The following DENND1A variants were observed in gnomAD, a reference collection of about 807,000 sequenced individuals.
The protein encoded by DENND1A is DENN domain-containing protein 1A.
Under a neutral mutation model 113.7 loss-of-function variants are expected in DENND1A, and 51 were observed. That is an observed-to-expected ratio of 0.45 (90% CI 0.36 to 0.57). The LOEUF is 0.57. DENND1A is among the 20% of genes least tolerant of loss of function. DENND1A has a pLI of 0.00. For missense variants in DENND1A, 1,258 were observed against 1,395.9 expected, an observed-to-expected ratio of 0.90 and a Z score of 1.57; for synonymous variants, 565 against 570.8, an observed-to-expected ratio of 0.99 and a Z score of 0.14.
chr9:123,929,924 T>G lies in DENND1A; in HGVS notation c.-19A>C, dbSNP rs1353612536. On this transcript the variant is annotated 5_prime_UTR_variant, in exon 1 of 24. An upstream start codon of the reference 5' UTR is lost. Coordinates refer to ENST00000394215, the MANE Select transcript of DENND1A (RefSeq NM_001352964.2). ...AGCCCATGGTCCCCAGGCCTCCTCA[T>G]GGGCCCGCGGGCCCCGCTCGGCGCT... The G allele has an allele frequency of 6.2e-6, 2 of 322,944 alleles. No homozygotes were observed. Among genetic ancestry groups the G allele is most frequent in the Non-Finnish European group, 5.8e-6 (1 of 173,364 alleles). 20.0% of individuals were successfully genotyped at this position (322,944 alleles called of 1,614,324 possible).
intron 1 of DENND1A, among the ~76,000 whole-genome samples, chr9:123,890,136 T>C (rs540899602): frequency 7.2e-4 from 109 of 152,300 alleles, no homozygotes; most frequent in African/African-American, 2.4e-3. Context: ...ATGGTGGTAT[T>C]TTCCTTGTTT....
chr9:123,561,924 C>T (rs528747563), intron 12 of DENND1A, among the ~76,000 whole-genome samples: 10 of 152,222 alleles, frequency 6.6e-5, no homozygotes, highest in African/African-American at 1.9e-4. Flanking sequence ...TGCCCTGAAT[C>T]CATCCTCTCC....
intron 3 of DENND1A, among the ~76,000 whole-genome samples, chr9:123,774,241 G>A (rs575735738): frequency 3.6e-4 from 55 of 152,202 alleles, no homozygotes; most frequent in African/African-American, 1.3e-3. Flanking sequence ...CCTGATTGAC[G>A]ATCTTAAAAC....
At chr9:123,689,612 C>T (rs1279749321) in intron 5 of DENND1A, among the ~76,000 whole-genome samples, 3 of 151,978 alleles carry the variant, frequency 2.0e-5, no homozygotes, top group African/African-American at 7.3e-5. Flanking sequence ...CAAATCCAGG[C>T]AACAGAAAAT....
At chr9:123,803,870 C>G (rs1365725022) in intron 2 of DENND1A, among the ~76,000 whole-genome samples, 2 of 152,194 alleles carry the variant, frequency 1.3e-5, no homozygotes, top group Non-Finnish European at 2.9e-5. Context: ...CCATGACAAC[C>G]AAGCTTTCAC....
intron 15 of DENND1A, among the ~76,000 whole-genome samples, chr9:123,456,017 C>T (rs968966059): frequency 1.3e-5 from 2 of 152,176 alleles, no homozygotes; most frequent in African/African-American, 4.8e-5. Flanking sequence ...GAACTGGGTC[C>T]TCCGCTTTTT....
chr9:123,551,791 G>A (rs571740319), intron 13 of DENND1A, among the ~76,000 whole-genome samples: 29 of 152,166 alleles, frequency 1.9e-4, no homozygotes, highest in African/African-American at 4.8e-4. Flanking sequence ...GGCCCTCCCC[G>A]CCCTGAGCCG....
At chr9:123,917,750 G>A (rs1855425351) in intron 1 of DENND1A, among the ~76,000 whole-genome samples, 1 of 152,046 alleles carries the variant, frequency 6.6e-6, no homozygotes, top group Non-Finnish European at 1.5e-5. Flanking sequence ...TGGGTCTGGA[G>A]GAGGAAACAC....
At chr9:123,876,219 A>C (rs1847440679) in intron 2 of DENND1A, among the ~76,000 whole-genome samples, 1 of 152,200 alleles carries the variant, frequency 6.6e-6, no homozygotes, top group African/African-American at 2.4e-5. Context: ...AAACATGTCA[A>C]AAAAGACAAA....
chr9:123,464,357 G>A (rs960270190), intron 13 of DENND1A, among the ~76,000 whole-genome samples: 5 of 152,254 alleles, frequency 3.3e-5, no homozygotes, highest in Admixed American at 1.3e-4. Context: ...GTGGAGGAGC[G>A]GATAAACAAA....
intron 13 of DENND1A, among the ~76,000 whole-genome samples, chr9:123,530,291 A>T (rs1213701750): frequency 6.6e-6 from 1 of 152,188 alleles, no homozygotes; most frequent in Admixed American, 6.5e-5. Flanking sequence ...GCGAAAGAGA[A>T]CATCTTCAGA....
At position 123,387,715 on chromosome 9, in the gene DENND1A, G is replaced by A. The variant is rs759334541; in HGVS notation, c.1760+15C>T. The A allele has an allele frequency of 7.8e-7, 1 of 1,288,490 alleles. No individual in the cohort carries two copies. Among genetic ancestry groups the A allele is most frequent in the Admixed American group, 2.3e-5 (1 of 43,484 alleles). The allele number at this position is 1,288,490 out of a possible 1,614,324, so 79.8% of individuals were successfully genotyped here. A position where few individuals can be genotyped will look rare whatever the true frequency, so the allele number is the denominator to read the frequency against. On this transcript the variant is annotated intron_variant, in intron 22 of 23. Coordinates refer to ENST00000394215, the MANE Select transcript of DENND1A (RefSeq NM_001352964.2). ...CCAAGCCGAGCTCAGGGAAATGGAA[G>A]AAGGAAGGAGAGACCATTCAAAGGG...
chr9:123,501,652 G>T (rs2052495718), intron 13 of DENND1A, among the ~76,000 whole-genome samples: 2 of 152,178 alleles, frequency 1.3e-5, no homozygotes, highest in South Asian at 4.1e-4. Flanking sequence ...GCAAAGTATT[G>T]ATCCTGGGTG....
intron 20 of DENND1A, among the ~76,000 whole-genome samples, chr9:123,410,054 T>C (rs909023022): frequency 6.6e-6 from 1 of 152,212 alleles, no homozygotes; most frequent in African/African-American, 2.4e-5. Context: ...ATTGCACCAC[T>C]GCACTCCAGC....
At chr9:123,602,891 G>T (rs180729212) in intron 11 of DENND1A, among the ~76,000 whole-genome samples, 22 of 152,306 alleles carry the variant, frequency 1.4e-4, no homozygotes, top group Non-Finnish European at 3.1e-4. Context: ...TCACTGTGTT[G>T]CCCAGGCTGT....
chr9:123,625,911 C>T (rs1184728294), intron 10 of DENND1A, among the ~76,000 whole-genome samples: 4 of 152,110 alleles, frequency 2.6e-5, no homozygotes, highest in Admixed American at 6.5e-5. Context: ...GGGAACCGTG[C>T]GACAGGGTCT....
At chr9:123,633,096 C>T (rs769935442) in intron 9 of DENND1A, among the ~76,000 whole-genome samples, 1 of 152,018 alleles carries the variant, frequency 6.6e-6, no homozygotes, top group African/African-American at 2.4e-5. Flanking sequence ...TTTGTAGAGA[C>T]GGGGTTTCGC....
chr9:123,635,627 T>G (rs2061665643), intron 9 of DENND1A, among the ~76,000 whole-genome samples: 1 of 152,160 alleles, frequency 6.6e-6, no homozygotes, highest in Non-Finnish European at 1.5e-5. Context: ...TGACAGAAAA[T>G]AATCATTTTT....
intron 13 of DENND1A, among the ~76,000 whole-genome samples, chr9:123,514,329 G>A (rs2053716673): frequency 6.6e-6 from 1 of 152,042 alleles, no homozygotes; most frequent in Admixed American, 6.5e-5. Context: ...AGGGAGATGA[G>A]GAGGATGTTT....
Sources: allele counts gnomAD v4.1 joint callset (sites outside exome capture counted in the v4.1 genomes callset), GRCh38; gene constraint gnomAD v4.1.1; transcripts MANE v1.5; gene names NCBI Gene and HGNC (gene_info 2026-07-23, HGNC 2026-07-21).